The following HACL1 variants were observed in gnomAD, a reference collection of about 807,000 sequenced individuals.
HACL1 encodes 1600020H07Rik.
In HACL1, 64 loss-of-function variants were observed where a neutral mutation model predicts 74.2. The observed-to-expected ratio is 0.86, with a 90% confidence interval of 0.70 to 1.06. The LOEUF (loss-of-function observed/expected upper bound fraction) is 1.06, where lower values mean the gene tolerates loss of function less well. Ranked by LOEUF, HACL1 falls within the 50% of genes least tolerant of loss-of-function variation. The probability of loss-of-function intolerance (pLI) is 0.00; values close to 1 mark genes in which losing one functional copy is unlikely to be tolerated. For synonymous variants in HACL1, 230 were observed against 238.8 expected, an observed-to-expected ratio of 0.96 and a Z score of 0.34; for missense variants, 728 against 719.7, an observed-to-expected ratio of 1.01 and a Z score of -0.13.
chr3:15,592,435 G>GAGACACGTATACATAC (rs2063944372), intron 3 of HACL1, among the ~76,000 whole-genome samples: 1 of 140,372 alleles, frequency 7.1e-6, no homozygotes, highest in Non-Finnish European at 1.6e-5. Flanking sequence ...TATGCATGTA[G>GAGACACGTATACATAC]ACACACGTAT....
At position 15,601,071 on chromosome 3, in the gene HACL1, C is replaced by T. The variant is rs764011666; in HGVS notation, c.186+19G>A. On this transcript the variant is annotated intron_variant, in intron 2 of 16. Transcript: ENST00000321169. Reference sequence around the variant, plus strand: ...GATCATTCCCAGTAACGCATTCAGCCACCTGAGTCCATACTCACCGCTTGC... The same window carrying T: ...GATCATTCCCAGTAACGCATTCAGCTACCTGAGTCCATACTCACCGCTTGC... 1.4e-5 allele frequency: 21 copies of T among 1,490,158 alleles called. No individual in the cohort carries two copies. Among genetic ancestry groups the T allele is most frequent in the Middle Eastern group, 1.7e-4 (1 of 5,816 alleles). 92.3% of individuals were successfully genotyped at this position (1,490,158 alleles called of 1,614,324 possible).
In HACL1 at chr3:15,567,961, C is replaced by T. The variant is rs2063464814; in HGVS notation, c.1292G>A (p.Gly431Glu). The change falls in exon 14 of 17, where the codon GGA becomes GAA. Residue 431 changes from glycine (G) to glutamate (E), a missense_variant. Transcript: ENST00000321169. ...CACCACGGCAGCTGCAATAGCAAATCCCAAACCAACTCCCATTGTTCCGAA... is the reference window on the plus strand; with the variant it reads ...CACCACGGCAGCTGCAATAGCAAATTCCAAACCAACTCCCATTGTTCCGAA... Reference protein sequence around the residue: ...GTFGTMGVGLGFAIAAAVVAK... With the variant: ...GTFGTMGVGLEFAIAAAVVAK... 6.2e-7 allele frequency: 1 copy of T among 1,614,018 alleles called. No homozygotes were observed. The highest frequency in any genetic ancestry group is 1.3e-5 in the African/African-American group (1 of 74,930).
chr3:15,589,729 T>C, intron 4 of HACL1, 117 bp from the exon 5 acceptor site: 1 of 738,204 alleles, frequency 1.4e-6, no homozygotes, highest in Non-Finnish European at 2.3e-6. Context: ...ATATTATATT[T>C]TTTTCTTAGA....
intron 12 of HACL1, 116 bp downstream of exon 12, chr3:15,571,552 C>T (rs2063527635): frequency 4.2e-6 from 3 of 717,990 alleles, no homozygotes; most frequent in Non-Finnish European, 7.5e-6. Context: ...CTGGGGTTTT[C>T]ACTGCACAAT....
At chr3:15,575,990 T>C (rs2125246744) in intron 9 of HACL1, among the ~76,000 whole-genome samples, 1 of 146,920 alleles carries the variant, frequency 6.8e-6, no homozygotes, top group South Asian at 2.3e-4. Context: ...ACCCCATCTC[T>C]ACTAAAAATA....
Position 15,563,507 on chromosome 3 carries a change from CATA to C in HACL1, c.1552_1554del (p.Tyr518del), listed in dbSNP as rs555074049. 5.3e-5 allele frequency: 86 copies of C among 1,612,416 alleles called. No individual in the cohort carries two copies. In the African/African-American group the frequency reaches 1.0e-3, roughly 19 times the overall value. On this transcript the variant is annotated inframe_deletion, in exon 16 of 17. Transcript: ENST00000321169. ...CCTCCAAATGCAGTCATGACTTGCT[CATA>C]ATGTGAATTTGGCAGCAAACACATT...
intron 8 of HACL1, among the ~76,000 whole-genome samples, chr3:15,581,925 T>C (rs778205854): frequency 6.6e-6 from 1 of 152,212 alleles, no homozygotes; most frequent in Non-Finnish European, 1.5e-5. Flanking sequence ...TATTTTGCTA[T>C]TTAATTATAT....
chr3:15,592,365 T>C (rs911237517), intron 3 of HACL1, among the ~76,000 whole-genome samples: 3 of 150,536 alleles, frequency 2.0e-5, no homozygotes, highest in Non-Finnish European at 4.4e-5. Context: ...TATATATGTA[T>C]ACATACAGAC....
In HACL1 at chr3:15,588,198, A is replaced by C. The variant is rs1338055228; in HGVS notation, c.381+1342T>G. 3.3e-5 allele frequency among the ~76,000 whole-genome samples: 5 copies of C among 152,268 alleles called. No homozygotes were observed. The East Asian group carries it at 7.7e-4, about 24-fold the overall frequency. On this transcript the variant is annotated intron_variant, in intron 5 of 16. Transcript: ENST00000321169. ...GGTGAGCCACCATGCCCGGCTGTCT[A>C]ATGATTTTAACTTTGTCCTGTAAAT...
At chr3:15,577,317 T>G (rs556559857) in intron 9 of HACL1, among the ~76,000 whole-genome samples, 1 of 152,014 alleles carries the variant, frequency 6.6e-6, no homozygotes, top group East Asian at 1.9e-4. Context: ...AGGCCCTGTC[T>G]CTACAAAATA....
At chr3:15,561,368 T>C (rs766230103) in intron 16 of HACL1, among the ~76,000 whole-genome samples, 3 of 152,160 alleles carry the variant, frequency 2.0e-5, no homozygotes, top group Non-Finnish European at 4.4e-5. Context: ...TGAGAATCAA[T>C]GATAAATGGC....
In HACL1 at chr3:15,571,746, T is replaced by A; in HGVS notation, c.1017A>T (p.Thr339=). 1 of 1,476,042 alleles carries A rather than the reference T, an allele frequency of 6.8e-7. No individual in the cohort carries two copies. The highest frequency in any genetic ancestry group is 9.4e-7 in the Non-Finnish European group (1 of 1,062,828). The allele number at this position is 1,476,042 out of a possible 1,614,324, so 91.4% of individuals were successfully genotyped here. The change falls in exon 12 of 17, where the codon ACA becomes ACT. Residue 339 remains threonine, a synonymous_variant. Coordinates refer to ENST00000321169, the MANE Select transcript of HACL1 (RefSeq NM_012260.4). ...TGCTCTCTGGAGGATACTGCCATGG[T>A]GTTTTATCAAGTTCCTCTAAAAGCT... is the stretch of plus-strand genomic sequence containing the variant. The part of the protein sequence containing the change: ...TKQLLEELDK[T]PWQYPPESKW...
rs139144362 is a variant in HACL1 at position 15,593,517 on chromosome 3, C to G, written c.228-1837G>C. 5.1e-3 allele frequency among the ~76,000 whole-genome samples: 768 copies of G among 151,634 alleles called. 11 individuals carry two copies. The highest frequency in any genetic ancestry group is 0.018 in the African/African-American group (734 of 41,364). The stretch of plus-strand genomic sequence containing the variant: ...TACAGGCATAAGCCAGCATGCCTGG[C>G]CCAAAAAAAGAAAGATATCGGATTT... On this transcript the variant is annotated intron_variant, in intron 3 of 16. Transcript: ENST00000321169.
intron 15 of HACL1, 128 bp from the exon 16 acceptor site, chr3:15,563,672 T>TAG (rs752046475): frequency 6.3e-5 from 39 of 615,390 alleles, no homozygotes; most frequent in Middle Eastern, 6.7e-4. Flanking sequence ...CTTCAACACT[T>TAG]AAGCTGAGAT....
intron 3 of HACL1, among the ~76,000 whole-genome samples, chr3:15,592,293 T>C (rs1042215306): frequency 3.0e-5 from 4 of 135,520 alleles, no homozygotes; most frequent in Non-Finnish European, 6.1e-5. Flanking sequence ...TGTATATGTA[T>C]ACATACGTAT....
chr3:15,601,555 TG>T lies in HACL1; in HGVS notation c.-93del, dbSNP rs1315019817. The T allele has an allele frequency of 5.6e-6, 9 of 1,603,602 alleles. No individual in the cohort carries two copies. The highest frequency in any genetic ancestry group is 7.6e-6 in the Non-Finnish European group (9 of 1,179,090). ...CGCGAAATCGGCAGCACGCCACCTC[TG>T]GTACTGCACCTCTGACGGACAGGAG... On this transcript the variant is annotated 5_prime_UTR_variant, in exon 1 of 17. Transcript: ENST00000321169.
chr3:15,585,911 CA>C (rs2063786841), intron 6 of HACL1, among the ~76,000 whole-genome samples: 1 of 152,174 alleles, frequency 6.6e-6, no homozygotes, highest in South Asian at 2.1e-4. Flanking sequence ...TGACAGCTCA[CA>C]GTCAAAATGC....
chr3:15,601,525 G>T lies in HACL1; in HGVS notation c.-62C>A, dbSNP rs749863808. The stretch of plus-strand genomic sequence containing the variant: ...CAAACAAGCGGAATCATCCAGCAAG[G>T]CAAACGCGAAATCGGCAGCACGCCA... On this transcript the variant is annotated 5_prime_UTR_variant, in exon 1 of 17. Coordinates refer to ENST00000321169, the MANE Select transcript of HACL1 (RefSeq NM_012260.4). The T allele has an allele frequency of 6.2e-7, 1 of 1,608,550 alleles. No homozygotes were observed. Among genetic ancestry groups the T allele is most frequent in the South Asian group, 1.1e-5 (1 of 91,072 alleles).
rs747506795 is a variant in HACL1 at position 15,575,023 on chromosome 3, T to C, written c.863A>G (p.His288Arg). 6.2e-7 allele frequency: 1 copy of C among 1,600,714 alleles called. No homozygotes were observed. The highest frequency in any genetic ancestry group is 8.6e-7 in the Non-Finnish European group (1 of 1,168,586). The change falls in exon 10 of 17, where the codon CAT (histidine) becomes CGT (arginine). Residue 288 changes from histidine (H) to arginine (R), a missense_variant. Physicochemically the swap from His to Arg is conservative, Grantham distance 29. Coordinates refer to ENST00000321169, the MANE Select transcript of HACL1 (RefSeq NM_012260.4). ...CTGATATCTTGGAGGCAGTCCAAAATGTAAAATCCAATTTAGTCTGGCACC... is the reference window on the plus strand; with the variant it reads ...CTGATATCTTGGAGGCAGTCCAAAACGTAAAATCCAATTTAGTCTGGCACC... ...LFGARLNWIL[H>R]FGLPPRYQPD... is the part of the protein sequence containing the mutation.
Sources: gnomAD v4.1 joint callset for allele counts (sites outside exome capture counted in the v4.1 genomes callset) on GRCh38, gnomAD v4.1.1 for gene constraint, MANE v1.5 for transcripts, NCBI Gene and HGNC (gene_info 2026-07-23, HGNC 2026-07-21) for gene names.